Variants in NTRK3 observed in about 807,000 individuals in gnomAD.
NTRK3 encodes NT-3 growth factor receptor.
In NTRK3, 24 loss-of-function variants were observed where a neutral mutation model predicts 91.7. The observed-to-expected ratio is 0.26, with a 90% CI of 0.19 to 0.37. The LOEUF is 0.37. Ranked by LOEUF, NTRK3 falls within the 10% of genes least tolerant of loss-of-function variation. NTRK3 has a pLI of 1.00. For missense variants in NTRK3, 880 were observed against 1,068.9 expected (o/e 0.82, Z 2.46); for synonymous variants, 483 against 404.0 (o/e 1.20, Z -2.34).
intron 17 of NTRK3, among the ~76,000 whole-genome samples, chr15:87,890,345 T>C (rs1269788334): frequency 6.6e-6 from 1 of 152,188 alleles, no homozygotes; most frequent in African/African-American, 2.4e-5. Flanking sequence ...ATTGTAATTA[T>C]AGTATTCCTT....
intron 12 of NTRK3, among the ~76,000 whole-genome samples, chr15:88,126,662 C>T (rs1368859003): frequency 1.3e-5 from 2 of 152,266 alleles, no homozygotes; most frequent in African/African-American, 2.4e-5. Context: ...CCTAGAGAGG[C>T]GTCTGATTTT....
intron 3 of NTRK3, among the ~76,000 whole-genome samples, chr15:88,250,577 G>A (rs576150627): frequency 6.6e-5 from 10 of 152,226 alleles, no homozygotes; most frequent in South Asian, 2.1e-4. Flanking sequence ...ACTCTGATCC[G>A]GAACTGAGAT....
At chr15:87,899,235 T>C (rs2066310443) in intron 17 of NTRK3, among the ~76,000 whole-genome samples, 1 of 152,190 alleles carries the variant, frequency 6.6e-6, no homozygotes, top group Non-Finnish European at 1.5e-5. Context: ...TGGTAAGGGA[T>C]GGTAAAGATT....
chr15:88,213,705 A>G (rs995572030), intron 3 of NTRK3, among the ~76,000 whole-genome samples: 16 of 152,152 alleles, frequency 1.1e-4, no homozygotes, highest in African/African-American at 3.9e-4. Flanking sequence ...AAATGCTAAT[A>G]CTATCACCAT....
At chr15:87,968,553 CG>C (rs1567164597) in intron 14 of NTRK3, among the ~76,000 whole-genome samples, 1 of 152,010 alleles carries the variant, frequency 6.6e-6, no homozygotes, top group African/African-American at 2.4e-5. Flanking sequence ...AGGAAAGAAA[CG>C]AAAGTATTGA....
At chr15:88,250,884 C>A (rs1429649151) in intron 3 of NTRK3, among the ~76,000 whole-genome samples, 1 of 152,232 alleles carries the variant, frequency 6.6e-6, no homozygotes, top group Non-Finnish European at 1.5e-5. Flanking sequence ...GAAATATCCT[C>A]TTTTCTAGGC....
intron 14 of NTRK3, among the ~76,000 whole-genome samples, chr15:87,971,175 T>C (rs1211853323): frequency 6.6e-6 from 1 of 152,194 alleles, no homozygotes; most frequent in Non-Finnish European, 1.5e-5. Context: ...ATATGTTCTA[T>C]ATTGGTGGTG....
At chr15:87,982,992 T>C (rs1387918973) in intron 14 of NTRK3, among the ~76,000 whole-genome samples, 5 of 152,250 alleles carry the variant, frequency 3.3e-5, no homozygotes. Context: ...CTTCTCCTTC[T>C]GTCTCTGCTT....
intron 17 of NTRK3, among the ~76,000 whole-genome samples, chr15:87,913,085 G>A (rs144825943): frequency 1.3e-5 from 2 of 150,896 alleles, no homozygotes; most frequent in African/African-American, 4.8e-5. Flanking sequence ...GTGTAAAGGG[G>A]AATCAAATCT....
At chr15:87,995,982 G>A (rs188179829) in intron 14 of NTRK3, among the ~76,000 whole-genome samples, 48 of 152,256 alleles carry the variant, frequency 3.2e-4, no homozygotes, top group Admixed American at 1.8e-3. Flanking sequence ...GATGGTTCAT[G>A]CTTGTAATCC....
exon 19 of NTRK3, chr15:87,874,907 C>A (rs2064909304): frequency 2.1e-5 from 5 of 232,606 alleles, no homozygotes; most frequent in Non-Finnish European, 3.4e-5. Flanking sequence ...GAGCACAGCA[C>A]AGTGAGAAAA....
intron 14 of NTRK3, among the ~76,000 whole-genome samples, chr15:87,966,009 T>A (rs953844381): frequency 2.3e-4 from 34 of 148,354 alleles, no homozygotes; most frequent in East Asian, 1.8e-3. Flanking sequence ...GCCCAGGAGG[T>A]GGAAGTTGCA....
At chr15:87,937,769 A>G (rs1299724211) in intron 15 of NTRK3, among the ~76,000 whole-genome samples, 1 of 152,174 alleles carries the variant, frequency 6.6e-6, no homozygotes, top group African/African-American at 2.4e-5. Context: ...GCATGCCACA[A>G]GAAGGGGGAG....
intron 14 of NTRK3, among the ~76,000 whole-genome samples, chr15:87,969,174 G>A (rs1450156178): frequency 6.6e-6 from 1 of 152,086 alleles, no homozygotes; most frequent in Non-Finnish European, 1.5e-5. Flanking sequence ...AGATTGACAT[G>A]GCCAATTGGT....
chr15:88,253,973 G>T (rs942076058), intron 3 of NTRK3, among the ~76,000 whole-genome samples: 10 of 152,188 alleles, frequency 6.6e-5, no homozygotes, highest in Non-Finnish European at 1.5e-4. Context: ...TGGCTATAAA[G>T]AGCCTACGTG....
rs116686500 is a variant in NTRK3 at position 88,125,937 on chromosome 15, C to T, written c.1396+334G>A. Among the ~76,000 whole-genome samples the T allele has an allele frequency of 6.4e-3, 968 of 152,294 alleles. 12 individuals carry two copies. Among genetic ancestry groups the T allele is most frequent in the African/African-American group, 0.022 (914 of 41,550 alleles). On this transcript the variant is annotated intron_variant, in intron 13 of 18. Coordinates refer to ENST00000394480, the Ensembl canonical transcript of NTRK3. Reference sequence around the variant, plus strand: ...CAAACTAGGAGTCCCTTTACTCACCCGTAATGAAAATAAACCAAAGTCCGT... The same window carrying T: ...CAAACTAGGAGTCCCTTTACTCACCTGTAATGAAAATAAACCAAAGTCCGT...
At chr15:87,882,140 C>A (rs1355597124) in intron 17 of NTRK3, among the ~76,000 whole-genome samples, 1 of 152,266 alleles carries the variant, frequency 6.6e-6, no homozygotes, top group African/African-American at 2.4e-5. Flanking sequence ...AAGTTATACA[C>A]CCACCTTGGC....
intron 14 of NTRK3, among the ~76,000 whole-genome samples, chr15:87,953,933 C>T (rs909527016): frequency 1.3e-5 from 2 of 151,982 alleles, no homozygotes; most frequent in African/African-American, 4.8e-5. Context: ...CTCCTCCGTG[C>T]GGGTTATCGA....
chr15:88,159,078 C>T (rs2044195031), intron 5 of NTRK3, among the ~76,000 whole-genome samples: 1 of 152,154 alleles, frequency 6.6e-6, no homozygotes, highest in Non-Finnish European at 1.5e-5. Flanking sequence ...AGCCAGGGTC[C>T]CCAAAGGCTG....
Sources: allele counts gnomAD v4.1 joint callset (sites outside exome capture counted in the v4.1 genomes callset), GRCh38; gene constraint gnomAD v4.1.1; transcripts MANE v1.5; gene names NCBI Gene and HGNC (gene_info 2026-07-23, HGNC 2026-07-21).